The following XIRP2 variants were observed in gnomAD, a reference collection of about 807,000 sequenced individuals.
The protein encoded by XIRP2 is xin actin-binding repeat-containing protein 2.
XIRP2 carries 236 observed loss-of-function variants against 277.0 expected under a neutral mutation model. The ratio of observed to expected loss-of-function variants is 0.85; its 90% CI spans 0.77 to 0.95. XIRP2 has a LOEUF of 0.95. Ranked by LOEUF, XIRP2 falls within the 40% of genes least tolerant of loss-of-function variation. The probability of loss-of-function intolerance (pLI) is 0.00; values close to 1 mark genes in which losing one functional copy is unlikely to be tolerated. For missense variants in XIRP2, 4,640 were observed against 4,157.5 expected, an observed-to-expected ratio of 1.12 and a Z score of -3.19; for synonymous variants, 1,490 against 1,416.5, an observed-to-expected ratio of 1.05 and a Z score of -1.17.
chr2:167,024,501 G>A (rs559581292), intron 2 of XIRP2, among the ~76,000 whole-genome samples: 2 of 152,220 alleles, frequency 1.3e-5, no homozygotes, highest in African/African-American at 4.8e-5. Context: ...TTGAATAGGA[G>A]TGGTGAGAGA....
At chr2:167,211,944 T>C (rs770573921) in intron 4 of XIRP2, among the ~76,000 whole-genome samples, 2 of 152,102 alleles carry the variant, frequency 1.3e-5, no homozygotes, top group Non-Finnish European at 2.9e-5. Flanking sequence ...CAAATTAGCC[T>C]AGTTGTGTAT....
intron 2 of XIRP2, among the ~76,000 whole-genome samples, chr2:166,926,928 C>T (rs145435388): frequency 9.7e-4 from 148 of 152,220 alleles, no homozygotes; most frequent in African/African-American, 3.4e-3. Context: ...GAGAACTTTG[C>T]TTATTTTAAA....
At chr2:166,953,170 T>C (rs1686077229) in intron 2 of XIRP2, among the ~76,000 whole-genome samples, 1 of 151,892 alleles carries the variant, frequency 6.6e-6, no homozygotes, top group Non-Finnish European at 1.5e-5. Flanking sequence ...AAATGTGCAG[T>C]GTACGTTGTA....
Position 167,243,205 on chromosome 2 carries a change from G to A in XIRP2, c.1813G>A (p.Asp605Asn). The A allele has an allele frequency of 1.2e-6, 2 of 1,614,116 alleles. No individual in the cohort carries two copies. The highest frequency in any genetic ancestry group is 1.7e-6 in the Non-Finnish European group (2 of 1,179,998). The part of the protein sequence containing the change: ...DEGDISRGIA[D>N]QEIIAGGDVK... The stretch of plus-strand genomic sequence containing the variant: ...AGGTGATATTTCCAGGGGCATTGCT[G>A]ATCAAGAAATCATTGCTGGTGGTGA... Residue 605 changes from aspartate (D) to asparagine (N), a missense_variant, in exon 9 of 11, where the codon GAT (aspartate) becomes AAT (asparagine). Asp to Asn is a conservative substitution (Grantham distance 23, BLOSUM62 1). Transcript: ENST00000409195.
chr2:167,172,211 A>C (rs1292412350), intron 3 of XIRP2, among the ~76,000 whole-genome samples: 4 of 152,140 alleles, frequency 2.6e-5, no homozygotes, highest in Non-Finnish European at 4.4e-5. Flanking sequence ...CAAAACCAAC[A>C]AGTTTTTATT....
intron 3 of XIRP2, among the ~76,000 whole-genome samples, chr2:167,152,564 G>T (rs1328936212): frequency 6.6e-6 from 1 of 152,050 alleles, no homozygotes; most frequent in East Asian, 1.9e-4. Context: ...GTGAACCTGG[G>T]ATAGGTAGAA....
At chr2:167,049,111 CTCTG>C (rs1688857491) in intron 2 of XIRP2, among the ~76,000 whole-genome samples, 1 of 151,446 alleles carries the variant, frequency 6.6e-6, no homozygotes, top group South Asian at 2.1e-4. Context: ...TTCTTTTTCT[CTCTG>C]TGTCTTTCTC....
intron 3 of XIRP2, among the ~76,000 whole-genome samples, chr2:167,183,191 C>G (rs571641483): frequency 6.6e-6 from 1 of 152,282 alleles, no homozygotes; most frequent in South Asian, 2.1e-4. Context: ...AAATATCTTT[C>G]ATTGTAGACT....
chr2:166,938,555 G>A (rs1192365386), intron 2 of XIRP2, among the ~76,000 whole-genome samples: 1 of 152,308 alleles, frequency 6.6e-6, no homozygotes, highest in South Asian at 2.1e-4. Context: ...ATGGTGCTGA[G>A]AAGAATGTAT....
rs1236183593 is a variant in XIRP2 at position 167,236,996 on chromosome 2, A to T, written c.859-2859A>T. 2.0e-5 allele frequency among the ~76,000 whole-genome samples: 3 copies of T among 152,136 alleles called. No individual in the cohort carries two copies. The East Asian group carries it at 5.8e-4, about 29-fold the overall frequency. ...TAGAAACAAAAGCTTGGGATATTTT[A>T]AGGAATATTTTATGTAAGTTACAGT... On this transcript the variant is annotated intron_variant, in intron 5 of 10. Transcript: ENST00000409195.
chr2:166,907,939 T>G (rs183520477), intron 2 of XIRP2, among the ~76,000 whole-genome samples: 5 of 152,238 alleles, frequency 3.3e-5, no homozygotes, highest in African/African-American at 1.2e-4. Flanking sequence ...ACAAAGGACA[T>G]GAACTCATCC....
chr2:167,123,503 TTTTTG>T (rs60058081), intron 2 of XIRP2, among the ~76,000 whole-genome samples: 37,431 of 151,328 alleles, frequency 0.25, 6,419 homozygotes, highest in African/African-American at 0.48. Context: ...AAAAAACTTT[TTTTTG>T]TTTTGTTTTG....
chr2:166,972,826 A>G (rs1289766327), intron 2 of XIRP2, among the ~76,000 whole-genome samples: 3 of 152,170 alleles, frequency 2.0e-5, no homozygotes, highest in Non-Finnish European at 1.5e-5. Flanking sequence ...GATTCCAGGT[A>G]TAGCTAGTGA....
chr2:167,018,977 T>G (rs1687910395), intron 2 of XIRP2, among the ~76,000 whole-genome samples: 1 of 152,008 alleles, frequency 6.6e-6, no homozygotes, highest in Non-Finnish European at 1.5e-5. Context: ...TTTGAGTTAT[T>G]TCTGCCTGCC....
In XIRP2 at chr2:167,048,220, C is replaced by T. The variant is rs142393054; in HGVS notation, c.409-87689C>T. Among the ~76,000 whole-genome samples the T allele has an allele frequency of 8.6e-5, 13 of 151,968 alleles. No homozygotes were observed. The East Asian group carries it at 2.1e-3, about 25-fold the overall frequency. On this transcript the variant is annotated intron_variant, in intron 2 of 10. Coordinates refer to ENST00000409195, the MANE Select transcript of XIRP2 (RefSeq NM_152381.6). ...CTTCTGCATATGCATTATTTTTATT[C>T]TCTACTTCATTCAGATTGTTTTATA...
chr2:167,240,908 T>G (rs1695046872), intron 7 of XIRP2, among the ~76,000 whole-genome samples, 172 bp downstream of exon 7: 1 of 152,184 alleles, frequency 6.6e-6, no homozygotes, highest in Non-Finnish European at 1.5e-5. Flanking sequence ...ATTTTGCCTG[T>G]GGTCATAGGT....
intron 2 of XIRP2, among the ~76,000 whole-genome samples, chr2:167,095,594 C>T (rs926056126): frequency 5.3e-5 from 8 of 152,004 alleles, no homozygotes; most frequent in Non-Finnish European, 1.2e-4. Flanking sequence ...GTCTTTGGTT[C>T]TGTTTATGTG....
rs535733571 is a variant in XIRP2 at position 167,021,170 on chromosome 2, C to T, written c.409-114739C>T. Among the ~76,000 whole-genome samples, 101 of 152,130 alleles carry T rather than the reference C, an allele frequency of 6.6e-4. 2 individuals carry two copies. Among genetic ancestry groups the T allele is most frequent in the South Asian group, 3.7e-3 (18 of 4,806 alleles). On this transcript the variant is annotated intron_variant, in intron 2 of 10. Coordinates refer to ENST00000409195, the MANE Select transcript of XIRP2 (RefSeq NM_152381.6). ...ATATATAATCATTTTGGCACCTATC[C>T]TTCTAGAAAAGCTGTGCTTTCAGGT...
chr2:166,923,486 C>G (rs987901413), intron 2 of XIRP2, among the ~76,000 whole-genome samples: 2 of 151,970 alleles, frequency 1.3e-5, no homozygotes, highest in Non-Finnish European at 2.9e-5. Flanking sequence ...TTTTAACAAG[C>G]AAATTTATTT....
Sources: allele counts gnomAD v4.1 joint callset (sites outside exome capture counted in the v4.1 genomes callset), GRCh38; gene constraint gnomAD v4.1.1; transcripts MANE v1.5; gene names NCBI Gene and HGNC (gene_info 2026-07-23, HGNC 2026-07-21).